Variants in PIF1 observed in about 807,000 individuals in gnomAD.
PIF1 encodes the protein PIF1 5'-to-3' DNA helicase.
Under a neutral mutation model 62.3 loss-of-function variants are expected in PIF1, and 67 were observed. The observed-to-expected ratio is 1.08, with a 90% CI of 0.88 to 1.32. The LOEUF (loss-of-function observed/expected upper bound fraction) is 1.32, where lower values mean the gene tolerates loss of function less well. PIF1 is among the 40% of genes most tolerant of loss of function. The pLI, the probability that PIF1 is intolerant of heterozygous loss-of-function variation, is 0.00. For synonymous variants in PIF1, 364 were observed against 379.5 expected, an observed-to-expected ratio of 0.96 and a Z score of 0.47; for missense variants, 886 against 866.1, an observed-to-expected ratio of 1.02 and a Z score of -0.29.
intron 4 of PIF1, chr15:64,822,015 C>G (rs560956414): frequency 8.0e-5 from 38 of 473,562 alleles, no homozygotes; most frequent in African/African-American, 7.5e-4. Flanking sequence ...GCTGGGATTA[C>G]AGGCGTGAGC....
In PIF1 at chr15:64,816,372, G is replaced by C. The variant is rs762676348; in HGVS notation, c.1867-15C>G. 1.2e-6 allele frequency: 2 copies of C among 1,613,796 alleles called. No homozygotes were observed. The highest frequency in any genetic ancestry group is 1.1e-5 in the South Asian group (1 of 91,068). On this transcript the variant is annotated splice_polypyrimidine_tract_variant and intron_variant, in intron 12 of 12. Transcript: ENST00000559239. ...TCTGGGGACTCCTGGATCAGAGCCA[G>C]AGAAGCCCAGTCATGGGTTTGTGCT...
In PIF1 at chr15:64,818,295, G is replaced by A; in HGVS notation, c.1490C>T (p.Ala497Val). 1 of 1,613,880 alleles carries A rather than the reference G, an allele frequency of 6.2e-7. No individual in the cohort carries two copies. Among genetic ancestry groups the A allele is most frequent in the African/African-American group, 1.3e-5 (1 of 74,936 alleles). ...CTCGAACCCAACTACCACCCCTCGG[G>A]CACCATTCACCAGGCCCCGAGACAC... ...LSVSRGLVNG[A>V]RGVVVGFEAE... The change falls in exon 10 of 13, where the codon GCC becomes GTC. Residue 497 changes from alanine (A) to valine (V), a missense_variant. Transcript: ENST00000559239.
At chr15:64,824,730 C>T (rs1185842706) in intron 1 of PIF1, among the ~76,000 whole-genome samples, 2 of 151,600 alleles carry the variant, frequency 1.3e-5, no homozygotes, top group Non-Finnish European at 2.9e-5. Context: ...GCTTGTAATT[C>T]CAGCACTTTG....
intron 7 of PIF1, 42 bp from the exon 8 acceptor site, chr15:64,820,028 C>G (rs2084263656): frequency 6.3e-7 from 1 of 1,594,226 alleles, no homozygotes; most frequent in Non-Finnish European, 8.6e-7. Context: ...ACCTGTGCAG[C>G]AGGGGAGGTG....
At chr15:64,824,471 G>T in intron 1 of PIF1, 117 bp from the exon 2 acceptor site, 1 of 619,036 alleles carries the variant, frequency 1.6e-6, no homozygotes, top group Non-Finnish European at 2.3e-6. Context: ...GGCTACACAA[G>T]ATCACGAGGA....
Position 64,824,218 on chromosome 15 carries a change from T to G in PIF1, c.118A>C (p.Thr40Pro). ...TTGCGACCCAGGCTCAGCTCCGCGG[T>G]GCGCAGGGCCTGGCGCCTTCGCGGC... is the stretch of plus-strand genomic sequence containing the variant. Reference protein sequence around the residue: ...GQPRRRQALRTAELSLGRNER... With the variant: ...GQPRRRQALRPAELSLGRNER... Residue 40 changes from threonine (T) to proline (P), a missense_variant, in exon 2 of 13, where the codon ACC (threonine) becomes CCC (proline). Transcript: ENST00000559239. The G allele has an allele frequency of 7.5e-7, 1 of 1,342,150 alleles. No individual in the cohort carries two copies. The allele number at this position is 1,342,150 out of a possible 1,614,324, so 83.1% of individuals were successfully genotyped here.
Position 64,823,984 on chromosome 15 carries a change from G to A in PIF1, c.352C>T (p.Arg118Cys), listed in dbSNP as rs771677536. 21 of 1,300,116 alleles carry A rather than the reference G, an allele frequency of 1.6e-5. No individual in the cohort carries two copies. The highest frequency in any genetic ancestry group is 2.1e-5 in the Non-Finnish European group (21 of 1,023,932). 80.5% of individuals were successfully genotyped at this position (1,300,116 alleles called of 1,614,324 possible). Residue 118 changes from arginine (R) to cysteine (C), a missense_variant, in exon 2 of 13, where the codon CGC (arginine) becomes TGC (cysteine). Physicochemically the swap from Arg to Cys is radical, Grantham distance 180. Coordinates refer to ENST00000559239, the MANE Select transcript of PIF1 (RefSeq NM_001286496.2). ...GCAGCCAGCTTGAGGCGCAATGTGC[G>A]CAGGAAGCGGCGCAGGCGGTCTGGG... ...CPPDRLRRFLRTLRLKLAAAP... is the reference protein window; with the variant it reads ...CPPDRLRRFLCTLRLKLAAAP...
chr15:64,819,068 A>G (rs767888409), intron 9 of PIF1, 49 bp downstream of exon 9: 1 of 1,431,828 alleles, frequency 7.0e-7, no homozygotes, highest in Non-Finnish European at 9.4e-7. Flanking sequence ...AGCAAGGCCC[A>G]TGCGGGACAG....
rs1263197655 is a variant in PIF1, at chr15:64,821,443, T to C, written c.895A>G (p.Asn299Asp). The C allele has an allele frequency of 6.2e-7, 1 of 1,614,152 alleles. No homozygotes were observed. The highest frequency in any genetic ancestry group is 8.5e-7 in the Non-Finnish European group (1 of 1,180,036). The stretch of plus-strand genomic sequence containing the variant: ...TCGTCAATGACCAACCGCTGGCAGT[T>C]CAGCCAGCCCTGCCGCACGCCTGGC... ...QRPGVRQGWL[N>D]CQRLVIDEIS... The change falls in exon 5 of 13, where the codon AAC becomes GAC. Residue 299 changes from asparagine to aspartate, a missense_variant. Physicochemically the swap from Asn to Asp is conservative, Grantham distance 23. Coordinates refer to ENST00000559239, the MANE Select transcript of PIF1 (RefSeq NM_001286496.2).
rs1359944353 is a variant in PIF1 at position 64,817,955 on chromosome 15, G to A, written c.1665C>T (p.His555=). 2.5e-6 allele frequency: 4 copies of A among 1,611,884 alleles called. No individual in the cohort carries two copies. Among genetic ancestry groups the A allele is most frequent in the Non-Finnish European group, 3.4e-6 (4 of 1,179,240 alleles). ...PLQLAWAMSI[H]KSQGMTLDCV... Reference sequence around the variant, plus strand: ...CCACACCGGTGCTCACTTGGCTCTTGTGGATGGACATCGCCCAGGCCAGCT... The same window carrying A: ...CCACACCGGTGCTCACTTGGCTCTTATGGATGGACATCGCCCAGGCCAGCT... Residue 555 remains histidine, a synonymous_variant, in exon 11 of 13, where the codon CAC becomes CAT. Coordinates refer to ENST00000559239, the MANE Select transcript of PIF1 (RefSeq NM_001286496.2).
rs369245790 is a variant in PIF1 at position 64,819,930 on chromosome 15, C to T, written c.1250G>A (p.Arg417Gln). The T allele has an allele frequency of 5.2e-5, 84 of 1,614,174 alleles. No homozygotes were observed. The highest frequency in any genetic ancestry group is 3.4e-4 in the South Asian group (31 of 91,084). ...LQATASHKVG[R>Q]DGIVATRLCT... is the part of the protein sequence containing the mutation. ...GAGCCTCGTGGCCACAATCCCATCT[C>T]GCCCCACCTTGTGGGAAGCTGTGGC... Residue 417 changes from arginine (R) to glutamine (Q), a missense_variant, in exon 8 of 13, where the codon CGA becomes CAA. Coordinates refer to ENST00000559239, the MANE Select transcript of PIF1 (RefSeq NM_001286496.2).
At position 64,821,173 on chromosome 15, in the gene PIF1, G is replaced by T. The variant is rs200992612; in HGVS notation, c.1080C>A (p.Cys360Ter). The T allele has an allele frequency of 5.5e-5, 88 of 1,614,034 alleles. No individual in the cohort carries two copies. Among genetic ancestry groups the T allele is most frequent in the Admixed American group, 1.0e-4 (6 of 60,002 alleles). Reference protein sequence around the residue: ...VTKGSQPPRFCFQSKSWKRCV... With the variant: ...VTKGSQPPRF ...GCTAGGAGGTGAGTAATACCTGGAA[G>T]CAGAACCGTGGGGGCTGGGAGCCCT... Residue 360 changes from cysteine (C) to a stop codon, truncating the protein, a stop_gained, in exon 6 of 13, where the codon TGC becomes TGA. Coordinates refer to ENST00000559239, the MANE Select transcript of PIF1 (RefSeq NM_001286496.2). LOFTEE classifies it high-confidence loss of function.
At position 64,815,745 on chromosome 15, in the gene PIF1, C is replaced by G; in HGVS notation, c.*553G>C. 1 of 1,550,588 alleles carries G rather than the reference C, an allele frequency of 6.4e-7. No individual in the cohort carries two copies. The highest frequency in any genetic ancestry group is 8.7e-7 in the Non-Finnish European group (1 of 1,147,008). ...GAAAAAGCAGCTTAAAATATGGGTG[C>G]ACATTTTGCAGCTTATGTTCTTTGG... On this transcript the variant is annotated 3_prime_UTR_variant, in exon 13 of 13. Coordinates refer to ENST00000559239, the MANE Select transcript of PIF1 (RefSeq NM_001286496.2).
Position 64,821,434 on chromosome 15 carries a change from G to T in PIF1, c.904C>A (p.Arg302=), listed in dbSNP as rs760786647. 4.3e-6 allele frequency: 7 copies of T among 1,614,138 alleles called. No homozygotes were observed. The East Asian group carries it at 6.7e-5, about 15-fold the overall frequency. The change falls in exon 5 of 13, where the codon CGG becomes AGG. Residue 302 remains arginine, a synonymous_variant. Transcript: ENST00000559239. ...ATTGAGATCTCGTCAATGACCAACC[G>T]CTGGCAGTTCAGCCAGCCCTGCCGC... ...GVRQGWLNCQ[R]LVIDEISMVE... is the part of the protein sequence containing the mutation.
At position 64,824,242 on chromosome 15, in the gene PIF1, G is replaced by A. The variant is rs1305542773; in HGVS notation, c.94C>T (p.Pro32Ser). 4 of 1,315,276 alleles carry A rather than the reference G, an allele frequency of 3.0e-6. No individual in the cohort carries two copies. The highest frequency in any genetic ancestry group is 3.3e-5 in the Admixed American group (1 of 30,046). 81.5% of individuals were successfully genotyped at this position (1,315,276 alleles called of 1,614,324 possible). The change falls in exon 2 of 13, where the codon CCG becomes TCG. Residue 32 changes from proline to serine, a missense_variant. Pro to Ser is a moderately conservative substitution (Grantham distance 74, BLOSUM62 -1). Coordinates refer to ENST00000559239, the MANE Select transcript of PIF1 (RefSeq NM_001286496.2). Reference sequence around the variant, plus strand: ...GTGCGCAGGGCCTGGCGCCTTCGCGGCTGCCCGCCCGGGCTCAGCTCCTCC... The same window carrying A: ...GTGCGCAGGGCCTGGCGCCTTCGCGACTGCCCGCCCGGGCTCAGCTCCTCC... Reference protein sequence around the residue: ...AVEELSPGGQPRRRQALRTAE... With the variant: ...AVEELSPGGQSRRRQALRTAE...
In PIF1 at chr15:64,823,900, C is replaced by T; in HGVS notation, c.436G>A (p.Asp146Asn). 7.3e-7 allele frequency: 1 copy of T among 1,363,196 alleles called. No individual in the cohort carries two copies. Among genetic ancestry groups the T allele is most frequent in the Non-Finnish European group, 9.5e-7 (1 of 1,049,542 alleles). The allele number at this position is 1,363,196 out of a possible 1,614,324, so 84.4% of individuals were successfully genotyped here. A position where few individuals can be genotyped will look rare whatever the true frequency, so the allele number is the denominator to read the frequency against. ...RAQLLGPRPR[D>N]FVTISPVQPE... Reference sequence around the variant, plus strand: ...TGCACAGGGCTGATGGTGACGAAGTCGCGGGGCCGCGGGCCCAGCAGCTGC... The same window carrying T: ...TGCACAGGGCTGATGGTGACGAAGTTGCGGGGCCGCGGGCCCAGCAGCTGC... The change falls in exon 2 of 13, where the codon GAC (aspartate) becomes AAC (asparagine). Residue 146 changes from aspartate (D) to asparagine (N), a missense_variant. Asp to Asn is a conservative substitution (Grantham distance 23, BLOSUM62 1). Coordinates refer to ENST00000559239, the MANE Select transcript of PIF1 (RefSeq NM_001286496.2).
rs745314066 is a variant in PIF1, at chr15:64,816,671, C to G, written c.1769G>C (p.Gly590Ala). Residue 590 changes from glycine to alanine, a missense_variant, in exon 12 of 13, where the codon GGC becomes GCC. Gly to Ala is a moderately conservative substitution (Grantham distance 60). Coordinates refer to ENST00000559239, the MANE Select transcript of PIF1 (RefSeq NM_001286496.2). ...GGGGTCAAAGTCCAGCACACGTAGGCCCTGCAGGCTGCGGGCCCGAGAAAG... is the reference window on the plus strand; with the variant it reads ...GGGGTCAAAGTCCAGCACACGTAGGGCCTGCAGGCTGCGGGCCCGAGAAAG... ...VALSRARSLQ[G>A]LRVLDFDPMA... is the part of the protein sequence containing the mutation. 24 of 1,613,886 alleles carry G rather than the reference C, an allele frequency of 1.5e-5. No homozygotes were observed. Among genetic ancestry groups the G allele is most frequent in the Non-Finnish European group, 2.0e-5 (24 of 1,180,026 alleles).
chr15:64,818,366 G>C (rs771887756), intron 9 of PIF1, 22 bp from the exon 10 acceptor site: 1 of 1,610,998 alleles, frequency 6.2e-7, no homozygotes, highest in South Asian at 1.1e-5. Context: ...AGAGAGGAAT[G>C]GACAGCAGCC....
In PIF1 at chr15:64,821,393, C is replaced by T. The variant is rs758414920; in HGVS notation, c.945G>A (p.Leu315=). 4 of 1,613,998 alleles carry T rather than the reference C, an allele frequency of 2.5e-6. No individual in the cohort carries two copies. The highest frequency in any genetic ancestry group is 1.6e-4 in the Middle Eastern group (1 of 6,084). ...TGGCCACGGCCTCCAGTTTGTCAAACAGGTCTGCCTCCACCATTGAGATCT... is the reference window on the plus strand; with the variant it reads ...TGGCCACGGCCTCCAGTTTGTCAAATAGGTCTGCCTCCACCATTGAGATCT... The part of the protein sequence containing the change: ...IDEISMVEAD[L]FDKLEAVARA... The change falls in exon 5 of 13, where the codon CTG becomes CTA. Residue 315 remains leucine (L), a synonymous_variant. Coordinates refer to ENST00000559239, the MANE Select transcript of PIF1 (RefSeq NM_001286496.2).
Sources: gnomAD v4.1 joint callset for allele counts (sites outside exome capture counted in the v4.1 genomes callset) on GRCh38, gnomAD v4.1.1 for gene constraint, MANE v1.5 for transcripts, NCBI Gene and HGNC (gene_info 2026-07-23, HGNC 2026-07-21) for gene names.